The following CPSF6 variants were observed in gnomAD, a reference collection of about 807,000 sequenced individuals.
CPSF6 encodes cleavage and polyadenylation specific factor 6.
CPSF6 carries 10 observed loss-of-function variants against 56.7 expected under a neutral mutation model. The observed-to-expected ratio is 0.18, with a 90% confidence interval of 0.11 to 0.30. The LOEUF (loss-of-function observed/expected upper bound fraction) is 0.30. CPSF6 is among the 10% of genes least tolerant of loss of function. CPSF6 has a pLI of 1.00. For missense variants in CPSF6, 419 were observed against 722.9 expected, an observed-to-expected ratio of 0.58 and a Z score of 4.82; for synonymous variants, 248 against 244.8, an observed-to-expected ratio of 1.01 and a Z score of -0.12.
intron 1 of CPSF6, among the ~76,000 whole-genome samples, chr12:69,245,253 A>G (rs952034802): frequency 6.6e-6 from 1 of 152,170 alleles, no homozygotes; most frequent in African/African-American, 2.4e-5. Context: ...TGTTCACACC[A>G]GCATTACGAG....
rs1029956919 is a variant in CPSF6, at chr12:69,258,694, C to T, written c.799C>T (p.Pro267Ser). The T allele has an allele frequency of 6.2e-7, 1 of 1,613,952 alleles. No individual in the cohort carries two copies. Among genetic ancestry groups the T allele is most frequent in the Non-Finnish European group, 8.5e-7 (1 of 1,180,008 alleles). Residue 267 changes from proline to serine, a missense_variant, in exon 6 of 10, where the codon CCT becomes TCT. Coordinates refer to ENST00000435070, the MANE Select transcript of CPSF6 (RefSeq NM_007007.3). The surrounding 1 kb of genome is among the most constrained non-coding windows in gnomAD (Gnocchi z 4.2). ...QVLPPPLAGPPNRGDRPPPPV... is the reference protein window; with the variant it reads ...QVLPPPLAGPSNRGDRPPPPV... Reference sequence around the variant, plus strand: ...TCTGCCTCCTCCTCTAGCTGGGCCTCCTAATCGAGGAGATCGCCCTCCACC... The same window carrying T: ...TCTGCCTCCTCCTCTAGCTGGGCCTTCTAATCGAGGAGATCGCCCTCCACC...
At chr12:69,269,430 G>A (rs1592814647) in intron 9 of CPSF6, 82 bp from the exon 10 acceptor site, 1 of 441,506 alleles carries the variant, frequency 2.3e-6, no homozygotes, top group Non-Finnish European at 4.5e-6. Flanking sequence ...TGCACGACTT[G>A]TGTATGTATA....
At position 69,239,638 on chromosome 12, in the gene CPSF6, T is replaced by A. The variant is rs758358796; in HGVS notation, c.-9T>A. The A allele has an allele frequency of 1.3e-6, 2 of 1,571,846 alleles. No homozygotes were observed. The highest frequency in any genetic ancestry group is 2.8e-5 in the African/African-American group (2 of 70,816). ...CGGCGGCGGCGGCGGCGGCCGAGGC[T>A]GAAGGAAGATGGCGGACGGCGTGGA... On this transcript the variant is annotated 5_prime_UTR_variant, in exon 1 of 10. Coordinates refer to ENST00000435070, the MANE Select transcript of CPSF6 (RefSeq NM_007007.3).
chr12:69,257,706 A>G (rs1182571132), intron 4 of CPSF6, 26 bp from the exon 5 acceptor site: 2 of 1,591,716 alleles, frequency 1.3e-6, no homozygotes, highest in Admixed American at 1.9e-5. Flanking sequence ...AATAAGTGCT[A>G]TTTATGAGTA....
chr12:69,247,945 A>G (rs1394102265), intron 1 of CPSF6, among the ~76,000 whole-genome samples: 1 of 152,246 alleles, frequency 6.6e-6, no homozygotes, highest in Non-Finnish European at 1.5e-5. Flanking sequence ...GCCTTGGAAC[A>G]GAGAGAAGCT....
intron 8 of CPSF6, among the ~76,000 whole-genome samples, chr12:69,261,038 T>C (rs187412196): frequency 6.6e-6 from 1 of 152,378 alleles, no homozygotes; most frequent in East Asian, 1.9e-4. Flanking sequence ...GTTCCTTTTT[T>C]TTTCTTTTTA....
chr12:69,239,935 CG>C (rs1338188047), intron 1 of CPSF6, among the ~76,000 whole-genome samples: 10 of 149,828 alleles, frequency 6.7e-5, no homozygotes, highest in Non-Finnish European at 1.3e-4. Flanking sequence ...AGCGCGGACG[CG>C]GGCCGCTGTG....
intron 1 of CPSF6, among the ~76,000 whole-genome samples, chr12:69,248,215 G>A (rs1872017356): frequency 6.6e-6 from 1 of 152,170 alleles, no homozygotes; most frequent in Admixed American, 6.5e-5. Context: ...CATTTTCACA[G>A]GTTTGTAGCT....
chr12:69,255,670 G>A (rs1240276990), intron 3 of CPSF6, among the ~76,000 whole-genome samples: 4 of 151,992 alleles, frequency 2.6e-5, no homozygotes, highest in Non-Finnish European at 5.9e-5. Context: ...GCCTCCCAGC[G>A]TGGGACTACA....
chr12:69,266,830 T>TTA (rs1873010791), intron 9 of CPSF6, among the ~76,000 whole-genome samples: 1 of 152,164 alleles, frequency 6.6e-6, no homozygotes, highest in Non-Finnish European at 1.5e-5. Context: ...ATGTATGTGT[T>TTA]TTATAGAGTA....
At chr12:69,257,453 TGAA>T (rs1040365709) in intron 4 of CPSF6, among the ~76,000 whole-genome samples, 1 of 152,214 alleles carries the variant, frequency 6.6e-6, no homozygotes, top group African/African-American at 2.4e-5. Flanking sequence ...AGATATCTGT[TGAA>T]GAATTTCGGT....
chr12:69,254,451 T>G (rs963184393), intron 3 of CPSF6, among the ~76,000 whole-genome samples: 5 of 152,234 alleles, frequency 3.3e-5, no homozygotes, highest in Admixed American at 6.5e-5. Context: ...TCAAACTGTT[T>G]AAGAGTTTTC....
chr12:69,253,173 T>C lies in CPSF6; in HGVS notation c.374+19T>C. The C allele has an allele frequency of 7.6e-7, 1 of 1,310,336 alleles. No homozygotes were observed. Among genetic ancestry groups the C allele is most frequent in the Non-Finnish European group, 1.1e-6 (1 of 928,676 alleles). The allele number at this position is 1,310,336 out of a possible 1,614,324, so 81.2% of individuals were successfully genotyped here. On this transcript the variant is annotated intron_variant, in intron 3 of 9. Transcript: ENST00000435070. ...CAAAGGGGTAAGTTTTTTTTTTCTT[T>C]CTTTTTGATTTAGTAGCTAGTGATA...
At chr12:69,242,635 G>A (rs1592790075) in intron 1 of CPSF6, among the ~76,000 whole-genome samples, 1 of 152,098 alleles carries the variant, frequency 6.6e-6, no homozygotes, top group African/African-American at 2.4e-5. Flanking sequence ...CAGCTGGAAG[G>A]GGAATTTGAA....
chr12:69,246,971 GAT>G (rs1235395813), intron 1 of CPSF6, among the ~76,000 whole-genome samples: 1 of 152,030 alleles, frequency 6.6e-6, no homozygotes, highest in Non-Finnish European at 1.5e-5. Context: ...AGCCTCGAAT[GAT>G]ATTACTGTAA....
Position 69,257,891 on chromosome 12 carries a change from C to A in CPSF6, c.680C>A (p.Pro227His). 1 of 1,596,506 alleles carries A rather than the reference C, an allele frequency of 6.3e-7. No individual in the cohort carries two copies. Among genetic ancestry groups the A allele is most frequent in the Non-Finnish European group, 8.5e-7 (1 of 1,173,862 alleles). Residue 227 changes from proline to histidine, a missense_variant, in exon 5 of 10, where the codon CCC becomes CAC. Physicochemically the swap from Pro to His is moderately conservative, Grantham distance 77. Around this residue, in one of 4 missense-constraint regions of CPSF6, gnomAD observed 211 missense variants for 296.0 expected, o/e 0.71. Coordinates refer to ENST00000435070, the MANE Select transcript of CPSF6 (RefSeq NM_007007.3). ...GGGCCAGCAGGACCAGGAGGGCCAC[C>A]CCCACCTTTTCCAGGTAAAACTTTT... The part of the protein sequence containing the change: ...FPGPAGPGGP[P>H]PPFPAGQTPP...
intron 1 of CPSF6, among the ~76,000 whole-genome samples, chr12:69,250,495 G>A (rs1046432078): frequency 6.7e-6 from 1 of 150,310 alleles, no homozygotes; most frequent in Non-Finnish European, 1.5e-5. Flanking sequence ...TGGGTGCAGT[G>A]GCTCAAGCCT....
intron 1 of CPSF6, among the ~76,000 whole-genome samples, chr12:69,247,140 A>G (rs1871951742): frequency 6.6e-6 from 1 of 152,294 alleles, no homozygotes; most frequent in Middle Eastern, 3.4e-3. Context: ...GTCTAAAAGT[A>G]ACTTCTTGAA....
intron 9 of CPSF6, among the ~76,000 whole-genome samples, chr12:69,268,039 G>A (rs1873076742): frequency 6.6e-6 from 1 of 151,704 alleles, no homozygotes; most frequent in African/African-American, 2.4e-5. Context: ...GAAAATTTAG[G>A]GAGATAGCAT....
Sources: allele counts gnomAD v4.1 joint callset (sites outside exome capture counted in the v4.1 genomes callset), GRCh38; gene constraint gnomAD v4.1.1; regional missense constraint gnomAD v4.1.1; non-coding constraint Gnocchi (gnomAD v3.1); transcripts MANE v1.5; gene names NCBI Gene and HGNC (gene_info 2026-07-23, HGNC 2026-07-21).